The following MIDEAS variants were observed in gnomAD, a reference collection of about 807,000 sequenced individuals.
MIDEAS encodes the protein mitotic deacetylase-associated SANT domain protein.
In MIDEAS, 26 loss-of-function variants were observed where a neutral mutation model predicts 102.7. The ratio of observed to expected loss-of-function variants is 0.25; its 90% CI spans 0.19 to 0.35. The LOEUF (loss-of-function observed/expected upper bound fraction) is 0.35. MIDEAS is among the 10% of genes least tolerant of loss of function. MIDEAS has a pLI of 1.00. For missense variants in MIDEAS, 1,231 were observed against 1,435.6 expected (o/e 0.86, Z 2.30); for synonymous variants, 585 against 591.0 (o/e 0.99, Z 0.15).
chr14:73,748,768 C>CA (rs55972902), intron 1 of MIDEAS, among the ~76,000 whole-genome samples: 169 of 124,578 alleles, frequency 1.4e-3, no homozygotes, highest in African/African-American at 2.7e-3. Context: ...GACTCCGTCT[C>CA]AAAAAAAAAA....
At chr14:73,748,388 G>A (rs975938825) in intron 1 of MIDEAS, among the ~76,000 whole-genome samples, 1 of 152,164 alleles carries the variant, frequency 6.6e-6, no homozygotes, top group Admixed American at 6.5e-5. Context: ...GTAATTAGCA[G>A]GGCATGGTGA....
intron 3 of MIDEAS, 74 bp downstream of exon 3, chr14:73,736,924 T>C (rs1595265615): frequency 6.9e-7 from 1 of 1,444,740 alleles, no homozygotes; most frequent in East Asian, 2.3e-5. Flanking sequence ...TGCCATGTTC[T>C]CCTTTCCCCA....
chr14:73,773,294 T>A (rs1387834995), intron 1 of MIDEAS, among the ~76,000 whole-genome samples: 2 of 151,922 alleles, frequency 1.3e-5, no homozygotes, highest in African/African-American at 4.8e-5. Flanking sequence ...CTATTCGGAA[T>A]ACGTACCCTA....
chr14:73,725,343 T>G lies in MIDEAS; in HGVS notation c.2503A>C (p.Met835Leu). ...YHYTGSDQWK[M>L]AERKLFNKGI... ...TTGTTGAACAGCTTCCTCTCGGCCATCTTCCACTGGTCAGAGCCTATGGGG... is the reference window on the plus strand; with the variant it reads ...TTGTTGAACAGCTTCCTCTCGGCCAGCTTCCACTGGTCAGAGCCTATGGGG... The change falls in exon 9 of 13, where the codon ATG becomes CTG. Residue 835 changes from methionine to leucine, a missense_variant. Physicochemically the swap from Met to Leu is conservative, Grantham distance 15. Around this residue, in one of 5 missense-constraint regions of MIDEAS, gnomAD observed 391 missense variants for 483.0 expected, o/e 0.81. Transcript: ENST00000423556. This position sits in a 1 kb window ranked among gnomAD's most constrained non-coding sequence, Gnocchi z 4.1. 9 of 1,614,040 alleles carry G rather than the reference T, an allele frequency of 5.6e-6. No individual in the cohort carries two copies. Among genetic ancestry groups the G allele is most frequent in the Non-Finnish European group, 7.6e-6 (9 of 1,179,912 alleles).
intron 1 of MIDEAS, among the ~76,000 whole-genome samples, chr14:73,778,139 G>A (rs1222754262): frequency 6.6e-6 from 1 of 151,860 alleles, no homozygotes; most frequent in Non-Finnish European, 1.5e-5. Flanking sequence ...TGGATCACCT[G>A]AGGTCAGGAG....
chr14:73,785,450 C>T (rs1196800241), intron 1 of MIDEAS, among the ~76,000 whole-genome samples: 2 of 152,150 alleles, frequency 1.3e-5, no homozygotes, highest in Non-Finnish European at 2.9e-5. Context: ...CCCTCCCAGA[C>T]CCAGACCACC....
At position 73,740,469 on chromosome 14, in the gene MIDEAS, G is replaced by A. The variant is rs114907194; in HGVS notation, c.-247-214C>T. Among the ~76,000 whole-genome samples the A allele has an allele frequency of 5.3e-3, 812 of 152,312 alleles. 4 individuals carry two copies. Among genetic ancestry groups the A allele is most frequent in the African/African-American group, 0.019 (783 of 41,562 alleles). On this transcript the variant is annotated intron_variant, in intron 1 of 12. Transcript: ENST00000423556. The stretch of plus-strand genomic sequence containing the variant: ...GCAGGAGAATCAGCTGCATCTCCCA[G>A]GGCACTGTGACTCTCTTGTCCCACC...
intron 1 of MIDEAS, among the ~76,000 whole-genome samples, chr14:73,746,044 A>C (rs575082079): frequency 1.3e-5 from 2 of 152,220 alleles, no homozygotes; most frequent in Non-Finnish European, 2.9e-5. Context: ...CCAGGGTTCA[A>C]GCTGCCTGAA....
chr14:73,762,988 G>A (rs550420919), upstream of MIDEAS, among the ~76,000 whole-genome samples: 1 of 152,332 alleles, frequency 6.6e-6, no homozygotes, highest in African/African-American at 2.4e-5. Flanking sequence ...ACTCCACTCA[G>A]AGCGGTCTGT....
upstream of MIDEAS, among the ~76,000 whole-genome samples, chr14:73,763,342 A>C: frequency 6.6e-6 from 1 of 152,212 alleles, no homozygotes; most frequent in East Asian, 1.9e-4. Flanking sequence ...TGTCTCAAGA[A>C]AAAAGAAAAT....
At chr14:73,771,501 C>T (rs1353965854) in intron 1 of MIDEAS, among the ~76,000 whole-genome samples, 2 of 152,180 alleles carry the variant, frequency 1.3e-5, no homozygotes, top group Non-Finnish European at 2.9e-5. Context: ...ATAGACACTC[C>T]ACGTGTTAAG....
At position 73,737,147 on chromosome 14, in the gene MIDEAS, G is replaced by T. The variant is rs2053211986; in HGVS notation, c.1600C>A (p.Arg534=). 4.3e-6 allele frequency: 7 copies of T among 1,613,884 alleles called. No homozygotes were observed. Among genetic ancestry groups the T allele is most frequent in the Non-Finnish European group, 5.1e-6 (6 of 1,179,970 alleles). ...PLIIPVSVPV[R]TVDPTEAAQA... ...GCTGCCTCAGTTGGGTCCACAGTTC[G>T]CACAGGCACAGACACTGGGATGATG... Residue 534 remains arginine (R), a synonymous_variant, in exon 3 of 13, where the codon CGA becomes AGA. Coordinates refer to ENST00000423556, the MANE Select transcript of MIDEAS (RefSeq NM_001367710.1).
chr14:73,756,176 G>T (rs1396818488), intron 1 of MIDEAS, among the ~76,000 whole-genome samples: 1 of 152,092 alleles, frequency 6.6e-6, no homozygotes, highest in Non-Finnish European at 1.5e-5. Context: ...GCAGAAGTCG[G>T]TGTGGATGAA....
At chr14:73,753,343 A>G (rs1047876201) in intron 1 of MIDEAS, among the ~76,000 whole-genome samples, 1 of 152,212 alleles carries the variant, frequency 6.6e-6, no homozygotes, top group African/African-American at 2.4e-5. Context: ...CAAGGATCAA[A>G]GCATTGTTCC....
chr14:73,769,891 TGCCCG>T (rs1478816991), intron 1 of MIDEAS, among the ~76,000 whole-genome samples: 11 of 147,260 alleles, frequency 7.5e-5, no homozygotes, highest in Non-Finnish European at 1.0e-4. Context: ...TGAGCCACCG[TGCCCG>T]GCTGGGTTTT....
Position 73,720,432 on chromosome 14 carries a change from G to A in MIDEAS, c.2937+865C>T, listed in dbSNP as rs374481943. Among the ~76,000 whole-genome samples, 193 of 152,088 alleles carry A rather than the reference G, an allele frequency of 1.3e-3. 1 individual carries two copies. The highest frequency in any genetic ancestry group is 4.5e-3 in the African/African-American group (186 of 41,490). ...CCAGCTAGTTTTTGTATTTTTAATA[G>A]AGATGAGGTTTCACCTTGTTGGCCA... On this transcript the variant is annotated intron_variant, in intron 11 of 12. Transcript: ENST00000423556.
chr14:73,719,213 T>G, intron 12 of MIDEAS, 92 bp downstream of exon 12: 1 of 1,515,140 alleles, frequency 6.6e-7, no homozygotes, highest in Non-Finnish European at 8.8e-7. Flanking sequence ...GGACACCGCC[T>G]GTACCTCTTC....
intron 1 of MIDEAS, among the ~76,000 whole-genome samples, chr14:73,776,398 T>C (rs1326382496): frequency 6.6e-6 from 1 of 151,846 alleles, no homozygotes; most frequent in African/African-American, 2.4e-5. Context: ...AAGATGTGGA[T>C]GTTGGCCAGG....
At position 73,740,232 on chromosome 14, in the gene MIDEAS, T is replaced by G. The variant is rs968238905; in HGVS notation, c.-224A>C. 2.1e-6 allele frequency: 1 copy of G among 465,944 alleles called. No individual in the cohort carries two copies. Among genetic ancestry groups the G allele is most frequent in the East Asian group, 3.5e-5 (1 of 28,572 alleles). The allele number at this position is 465,944 out of a possible 1,614,324, so 28.9% of individuals were successfully genotyped here. ...GGGCTCAGCTACTCTTCCCAGTTCA[T>G]GATGCTCCACAGGGTTCTGGCACCT... On this transcript the variant is annotated 5_prime_UTR_variant, in exon 2 of 13. It removes an upstream start codon present in the reference 5' UTR. Coordinates refer to ENST00000423556, the MANE Select transcript of MIDEAS (RefSeq NM_001367710.1).
Sources: allele counts gnomAD v4.1 joint callset (sites outside exome capture counted in the v4.1 genomes callset), GRCh38; gene constraint gnomAD v4.1.1; regional missense constraint gnomAD v4.1.1; non-coding constraint Gnocchi (gnomAD v3.1); transcripts MANE v1.5; gene names NCBI Gene and HGNC (gene_info 2026-07-23, HGNC 2026-07-21).